The following KCTD16 variants were observed in gnomAD, a reference collection of about 807,000 sequenced individuals.
KCTD16 encodes the protein potassium channel tetramerization domain containing 16, also known as BTB/POZ domain-containing protein KCTD16.
A neutral mutation model predicts 33.2 loss-of-function variants in KCTD16; 13 were observed. The observed-to-expected ratio is 0.39, with a 90% CI of 0.25 to 0.62. The LOEUF (loss-of-function observed/expected upper bound fraction) is 0.62, where lower values mean the gene tolerates loss of function less well. Ranked by LOEUF, KCTD16 falls within the 20% of genes least tolerant of loss-of-function variation. The probability of loss-of-function intolerance (pLI) is 0.50; values close to 1 mark genes in which losing one functional copy is unlikely to be tolerated. For synonymous variants in KCTD16, 197 were observed against 195.3 expected (o/e 1.01, Z -0.07); for missense variants, 441 against 525.1 (o/e 0.84, Z 1.57).
chr5:144,449,972 C>A (rs1382816511), intron 3 of KCTD16, among the ~76,000 whole-genome samples: 1 of 152,008 alleles, frequency 6.6e-6, no homozygotes, highest in African/African-American at 2.4e-5. Context: ...TAAAAAACTT[C>A]TGCATGGCAA....
rs565872452 is a variant in KCTD16, at chr5:144,479,251, C to T, written c.*5137C>T. ...AATCAAATCCTGCGCCATTGAACTG[C>T]TAAATTTGTCCAATTTGACTCAATC... On this transcript the variant is annotated 3_prime_UTR_variant, in exon 4 of 4. Coordinates refer to ENST00000512467, the MANE Select transcript of KCTD16 (RefSeq NM_020768.4). The T allele has an allele frequency of 2.0e-5, 3 of 150,930 alleles. No individual in the cohort carries two copies. In the South Asian group the frequency reaches 6.3e-4, roughly 32 times the overall value. 9.3% of individuals were successfully genotyped at this position (150,930 alleles called of 1,614,324 possible).
At chr5:144,200,507 A>G (rs988760038) in intron 2 of KCTD16, among the ~76,000 whole-genome samples, 3 of 152,236 alleles carry the variant, frequency 2.0e-5, no homozygotes, top group South Asian at 2.1e-4. Context: ...TTTCTTACAT[A>G]GCAAATTACT....
intron 3 of KCTD16, among the ~76,000 whole-genome samples, chr5:144,209,531 T>A (rs765000194): frequency 1.3e-5 from 2 of 152,038 alleles, no homozygotes; most frequent in Non-Finnish European, 2.9e-5. Flanking sequence ...GAGCTAAGTG[T>A]TAACTCTTCC....
intron 3 of KCTD16, among the ~76,000 whole-genome samples, chr5:144,393,425 ATAT>A (rs1752494459): frequency 6.6e-6 from 1 of 152,084 alleles, no homozygotes. Flanking sequence ...TTCTATGTGA[ATAT>A]TATTAAGACG....
chr5:144,415,366 T>G (rs921075800), intron 3 of KCTD16, among the ~76,000 whole-genome samples: 3 of 152,028 alleles, frequency 2.0e-5, no homozygotes, highest in African/African-American at 7.2e-5. Flanking sequence ...AACAACCATA[T>G]TACCATTAAT....
chr5:144,255,859 A>T (rs1408115516), intron 3 of KCTD16, among the ~76,000 whole-genome samples: 2 of 152,218 alleles, frequency 1.3e-5, no homozygotes, highest in African/African-American at 4.8e-5. Context: ...AACCTTAGAG[A>T]ATGTCTGATT....
chr5:144,379,990 T>C (rs1752175356), intron 3 of KCTD16, among the ~76,000 whole-genome samples: 1 of 152,170 alleles, frequency 6.6e-6, no homozygotes, highest in South Asian at 2.1e-4. Flanking sequence ...GACGGCAGTA[T>C]GCTGGTTTTA....
intron 3 of KCTD16, among the ~76,000 whole-genome samples, chr5:144,284,537 C>T (rs1755691754): frequency 6.6e-6 from 1 of 152,114 alleles, no homozygotes; most frequent in South Asian, 2.1e-4. Flanking sequence ...TTTTTGTAGT[C>T]ATTGATTTTA....
chr5:144,325,119 T>G (rs75912208), intron 3 of KCTD16, among the ~76,000 whole-genome samples: 6,993 of 152,288 alleles, frequency 0.046, 556 homozygotes, highest in African/African-American at 0.16. Flanking sequence ...GTGCTATCCA[T>G]GATGGCAACG....
Position 144,476,910 on chromosome 5 carries a change from G to C in KCTD16, c.*2796G>C, listed in dbSNP as rs749786472. Reference sequence around the variant, plus strand: ...AAACAATATATATGGTTTACTTCTCGAACATTGGTTATGACAAGGGCCATA... The same window carrying C: ...AAACAATATATATGGTTTACTTCTCCAACATTGGTTATGACAAGGGCCATA... On this transcript the variant is annotated 3_prime_UTR_variant, in exon 4 of 4. Transcript: ENST00000512467. The C allele has an allele frequency of 1.3e-5, 2 of 152,036 alleles. No homozygotes were observed. The highest frequency in any genetic ancestry group is 2.9e-5 in the Non-Finnish European group (2 of 67,992). The allele number at this position is 152,036 out of a possible 1,614,324, so 9.4% of individuals were successfully genotyped here.
At chr5:144,388,964 A>G (rs1752391760) in intron 3 of KCTD16, among the ~76,000 whole-genome samples, 1 of 152,168 alleles carries the variant, frequency 6.6e-6, no homozygotes, top group Non-Finnish European at 1.5e-5. Flanking sequence ...CATAAAAGTA[A>G]GTAAGGGTGA....
intron 3 of KCTD16, among the ~76,000 whole-genome samples, chr5:144,468,516 G>A (rs1226792380): frequency 6.6e-6 from 1 of 152,186 alleles, no homozygotes; most frequent in East Asian, 1.9e-4. Context: ...AAGAAATGAT[G>A]ATTGTCAAGC....
intron 3 of KCTD16, among the ~76,000 whole-genome samples, chr5:144,255,969 GAGC>G (rs958235271): frequency 2.0e-5 from 3 of 152,170 alleles, no homozygotes; most frequent in African/African-American, 7.2e-5. Flanking sequence ...CAGTGTCCTG[GAGC>G]ATACTGAGTC....
chr5:144,309,895 A>G (rs1418945333), intron 3 of KCTD16, among the ~76,000 whole-genome samples: 1 of 152,162 alleles, frequency 6.6e-6, no homozygotes, highest in African/African-American at 2.4e-5. Context: ...CAAAATTTGT[A>G]TACGGTGCAG....
chr5:144,425,357 C>T (rs1006724765), intron 3 of KCTD16, among the ~76,000 whole-genome samples: 5 of 151,938 alleles, frequency 3.3e-5, no homozygotes, highest in African/African-American at 1.2e-4. Flanking sequence ...GGGCTCATCC[C>T]ACCCAGCAGC....
At chr5:144,220,121 C>A (rs957060380) in intron 3 of KCTD16, among the ~76,000 whole-genome samples, 1 of 152,182 alleles carries the variant, frequency 6.6e-6, no homozygotes, top group African/African-American at 2.4e-5. Flanking sequence ...GCCTCTTTCC[C>A]ACCTCGAGGG....
Position 144,482,696 on chromosome 5 carries a change from T to C in KCTD16, c.*8582T>C, listed in dbSNP as rs942728046. On this transcript the variant is annotated 3_prime_UTR_variant, in exon 4 of 4. Coordinates refer to ENST00000512467, the MANE Select transcript of KCTD16 (RefSeq NM_020768.4). ...ATACGTGCATGCATGTGTGAGTGTG[T>C]GTGTGTGAGGAGTGTGTGTATTTAT... is the stretch of plus-strand genomic sequence containing the variant. 8.6e-5 allele frequency: 13 copies of C among 151,874 alleles called. No individual in the cohort carries two copies. The highest frequency in any genetic ancestry group is 6.6e-4 in the Admixed American group (10 of 15,208). 9.4% of individuals were successfully genotyped at this position (151,874 alleles called of 1,614,324 possible).
intron 3 of KCTD16, among the ~76,000 whole-genome samples, chr5:144,367,690 AT>A (rs949901748): frequency 5.9e-4 from 86 of 144,982 alleles, no homozygotes; most frequent in African/African-American, 8.9e-4. Flanking sequence ...TCTTTCATTT[AT>A]TTTTTTTTTC....
chr5:144,438,326 C>T (rs1031147147), intron 3 of KCTD16, among the ~76,000 whole-genome samples: 1 of 152,216 alleles, frequency 6.6e-6, no homozygotes, highest in Non-Finnish European at 1.5e-5. Flanking sequence ...AATATAATGA[C>T]TCACACATAG....
Sources: gnomAD v4.1 joint callset for allele counts (sites outside exome capture counted in the v4.1 genomes callset) on GRCh38, gnomAD v4.1.1 for gene constraint, MANE v1.5 for transcripts, NCBI Gene and HGNC (gene_info 2026-07-23, HGNC 2026-07-21) for gene names.